Variants in PIAS1 observed in about 807,000 individuals in gnomAD.
The protein encoded by PIAS1 is protein inhibitor of activated STAT 1, also known as E3 SUMO-protein ligase PIAS1.
A neutral mutation model predicts 71.3 loss-of-function variants in PIAS1; 6 were observed. The observed-to-expected ratio is 0.08, with a 90% CI of 0.05 to 0.17. PIAS1 has a LOEUF of 0.17. PIAS1 is among the 10% of genes least tolerant of loss of function. The pLI is 1.00. For synonymous variants in PIAS1, 303 were observed against 292.9 expected (o/e 1.03, Z -0.35); for missense variants, 555 against 793.6 (o/e 0.70, Z 3.61).
intron 1 of PIAS1, among the ~76,000 whole-genome samples, chr15:68,079,940 C>G (rs931745745): frequency 2.6e-5 from 4 of 152,188 alleles, no homozygotes; most frequent in African/African-American, 9.7e-5. Flanking sequence ...TCAAGCGATT[C>G]TCCTGCCTCA....
At chr15:68,110,245 G>A (rs959940772) in intron 2 of PIAS1, among the ~76,000 whole-genome samples, 3 of 152,058 alleles carry the variant, frequency 2.0e-5, no homozygotes, top group Non-Finnish European at 2.9e-5. Flanking sequence ...CCTATTTGAA[G>A]AAAAAATTTT....
At chr15:68,112,876 A>T (rs2092534219) in intron 2 of PIAS1, among the ~76,000 whole-genome samples, 1 of 152,148 alleles carries the variant, frequency 6.6e-6, no homozygotes, top group Admixed American at 6.6e-5. Flanking sequence ...ACACAAATGC[A>T]TGATGCATCC....
intron 7 of PIAS1, among the ~76,000 whole-genome samples, chr15:68,158,937 C>T (rs970815834): frequency 2.0e-5 from 3 of 152,234 alleles, no homozygotes; most frequent in Non-Finnish European, 2.9e-5. Flanking sequence ...GCTAGTTTAA[C>T]GGATGAGCTG....
At chr15:68,161,408 C>T (rs2092923273) in intron 7 of PIAS1, among the ~76,000 whole-genome samples, 1 of 151,822 alleles carries the variant, frequency 6.6e-6, no homozygotes, top group Non-Finnish European at 1.5e-5. Context: ...TAATCAAGAT[C>T]CCGGTAGGAC....
intron 6 of PIAS1, among the ~76,000 whole-genome samples, chr15:68,149,442 A>G (rs966657897): frequency 1.3e-4 from 19 of 150,568 alleles, no homozygotes; most frequent in African/African-American, 4.7e-4. Context: ...AATTTGGATG[A>G]GATTTCTTTA....
At chr15:68,102,461 A>G (rs2092435427) in intron 2 of PIAS1, among the ~76,000 whole-genome samples, 1 of 152,222 alleles carries the variant, frequency 6.6e-6, no homozygotes, top group Non-Finnish European at 1.5e-5. Context: ...TTTTAGAATT[A>G]TCTTCTCGCT....
At chr15:68,132,974 T>G (rs2092697842) in intron 2 of PIAS1, among the ~76,000 whole-genome samples, 1 of 151,788 alleles carries the variant, frequency 6.6e-6, no homozygotes, top group East Asian at 1.9e-4. Context: ...TCTGGTTTTC[T>G]TTTCTTTTCT....
At chr15:68,159,051 G>A (rs2092908445) in intron 7 of PIAS1, among the ~76,000 whole-genome samples, 3 of 152,018 alleles carry the variant, frequency 2.0e-5, no homozygotes, top group Non-Finnish European at 4.4e-5. Context: ...TCCCCAAATC[G>A]ACTTATTGGG....
chr15:68,152,472 A>G (rs1783585938), intron 6 of PIAS1, among the ~76,000 whole-genome samples: 1 of 152,094 alleles, frequency 6.6e-6, no homozygotes, highest in Admixed American at 6.5e-5. Context: ...TAATATTCCC[A>G]CCCTTTCCCT....
At chr15:68,075,416 TGTA>T (rs2092151762) in intron 1 of PIAS1, among the ~76,000 whole-genome samples, 1 of 152,182 alleles carries the variant, frequency 6.6e-6, no homozygotes, top group African/African-American at 2.4e-5. Flanking sequence ...CTTTTGCTAC[TGTA>T]GTAACTTTGT....
At chr15:68,102,165 T>C (rs1205970237) in intron 2 of PIAS1, among the ~76,000 whole-genome samples, 1 of 152,224 alleles carries the variant, frequency 6.6e-6, no homozygotes, top group African/African-American at 2.4e-5. Context: ...GAGATTGAGA[T>C]TGAGCTTCAT....
At position 68,063,031 on chromosome 15, in the gene PIAS1, T is replaced by C. The variant is rs559123817; in HGVS notation, c.24+8681T>C. Among the ~76,000 whole-genome samples, 630 of 118,850 alleles carry C rather than the reference T, an allele frequency of 5.3e-3. 2 individuals carry two copies. Among genetic ancestry groups the C allele is most frequent in the Non-Finnish European group, 8.3e-3 (408 of 49,448 alleles). 78.0% of individuals were successfully genotyped at this position (118,850 alleles called of 152,430 possible). ...GGTTTTGCTATACACTACTGGTTTT[T>C]TTAAAAAAATAATTGCCACATTTAA... On this transcript the variant is annotated intron_variant, in intron 1 of 13. Transcript: ENST00000249636.
intron 2 of PIAS1, among the ~76,000 whole-genome samples, chr15:68,134,449 C>T (rs567582844): frequency 1.8e-5 from 1 of 56,046 alleles, no homozygotes; most frequent in African/African-American, 3.8e-5. Context: ...TGGGCAGAGG[C>T]GCCCCTCACC....
intron 7 of PIAS1, among the ~76,000 whole-genome samples, chr15:68,156,727 A>AC (rs1401112813): frequency 7.0e-6 from 1 of 143,826 alleles, no homozygotes; most frequent in African/African-American, 2.6e-5. Context: ...AAAAAAAAAA[A>AC]AGAGAGAGAG....
rs1331386815 is a variant in PIAS1, at chr15:68,054,367, ATTCAC to A, written c.24+21_24+25del. ...GAACTAAAGGTAAAGCGCAGCTCGAATTCACTTCTAATATTCGGCCGCGGAGACGG... is the reference window on the plus strand; with the variant it reads ...GAACTAAAGGTAAAGCGCAGCTCGAATTCTAATATTCGGCCGCGGAGACGG... On this transcript the variant is annotated intron_variant, in intron 1 of 13. Coordinates refer to ENST00000249636, the MANE Select transcript of PIAS1 (RefSeq NM_016166.3). The surrounding 1 kb of genome is among the most constrained non-coding windows in gnomAD (Gnocchi z 4.6). 1.9e-6 allele frequency: 3 copies of A among 1,555,534 alleles called. No individual in the cohort carries two copies. In the African/African-American group the frequency reaches 4.1e-5, roughly 21 times the overall value.
At chr15:68,128,520 G>A (rs1269365396) in intron 2 of PIAS1, among the ~76,000 whole-genome samples, 2 of 152,116 alleles carry the variant, frequency 1.3e-5, no homozygotes, top group African/African-American at 2.4e-5. Flanking sequence ...GCTAGGGTGT[G>A]GTTTTAGTTC....
At position 68,173,938 on chromosome 15, in the gene PIAS1, T is replaced by C. The variant is rs2035482378; in HGVS notation, c.1169+46T>C. 1 of 1,252,154 alleles carries C rather than the reference T, an allele frequency of 8.0e-7. No homozygotes were observed. Among genetic ancestry groups the C allele is most frequent in the Non-Finnish European group, 1.1e-6 (1 of 948,236 alleles). The allele number at this position is 1,252,154 out of a possible 1,614,324, so 77.6% of individuals were successfully genotyped here. On this transcript the variant is annotated intron_variant, in intron 9 of 13. Coordinates refer to ENST00000249636, the MANE Select transcript of PIAS1 (RefSeq NM_016166.3). The surrounding 1 kb of genome is among the most constrained non-coding windows in gnomAD (Gnocchi z 4.3). ...TTGGTACCTTGAAATGACCATATAT[T>C]ATCTGGGTTTGTTACACATCAGATT...
intron 2 of PIAS1, among the ~76,000 whole-genome samples, chr15:68,118,570 C>T (rs528260382): frequency 1.8e-4 from 27 of 150,920 alleles, no homozygotes; most frequent in African/African-American, 5.9e-4. Flanking sequence ...TCTAACTCCT[C>T]GCCTCAAGCG....
Position 68,146,424 on chromosome 15 carries a change from T to G in PIAS1, c.694-142T>G, listed in dbSNP as rs2092808423. 4 of 636,496 alleles carry G rather than the reference T, an allele frequency of 6.3e-6. No individual in the cohort carries two copies. In the South Asian group the frequency reaches 9.2e-5, roughly 15 times the overall value. The allele number at this position is 636,496 out of a possible 1,614,324, so 39.4% of individuals were successfully genotyped here. Reference sequence around the variant, plus strand: ...TTGGAAAAATAATAACACAAGAAACTTGTAAATGTTTGCTTCTCTACTTTT... The same window carrying G: ...TTGGAAAAATAATAACACAAGAAACGTGTAAATGTTTGCTTCTCTACTTTT... On this transcript the variant is annotated intron_variant, in intron 5 of 13. Coordinates refer to ENST00000249636, the MANE Select transcript of PIAS1 (RefSeq NM_016166.3).
Sources: gnomAD v4.1 joint callset for allele counts (sites outside exome capture counted in the v4.1 genomes callset) on GRCh38, gnomAD v4.1.1 for gene constraint, Gnocchi (gnomAD v3.1) non-coding constraint, MANE v1.5 for transcripts, NCBI Gene and HGNC (gene_info 2026-07-23, HGNC 2026-07-21) for gene names.